The following RMND1 variants were observed in gnomAD, a reference collection of about 807,000 sequenced individuals.
The protein encoded by RMND1 is required for meiotic nuclear division protein 1 homolog.
Under a neutral mutation model 54.0 loss-of-function variants are expected in RMND1, and 41 were observed. The ratio of observed to expected loss-of-function variants is 0.76; its 90% CI spans 0.59 to 0.98. The LOEUF (loss-of-function observed/expected upper bound fraction) is 0.98, where lower values mean the gene tolerates loss of function less well. RMND1 is among the 50% of genes least tolerant of loss of function. The probability of loss-of-function intolerance (pLI) is 0.00; values close to 1 mark genes in which losing one functional copy is unlikely to be tolerated. For missense variants in RMND1, 457 were observed against 532.0 expected (o/e 0.86, Z 1.39); for synonymous variants, 183 against 181.7 (o/e 1.01, Z -0.06).
intron 1 of RMND1, among the ~76,000 whole-genome samples, chr6:151,446,747 A>C (rs539330512): frequency 6.6e-6 from 1 of 152,234 alleles, no homozygotes; most frequent in African/African-American, 2.4e-5. Context: ...TCTACTAAAA[A>C]TACAAAAAAA....
intron 10 of RMND1, among the ~76,000 whole-genome samples, chr6:151,406,559 C>T (rs1433703883): frequency 1.3e-5 from 2 of 152,042 alleles, no homozygotes; most frequent in Admixed American, 6.6e-5. Context: ...ATGATGTTAG[C>T]CAGGATGGTC....
intron 7 of RMND1, among the ~76,000 whole-genome samples, chr6:151,423,041 A>T (rs1384309969): frequency 6.6e-6 from 1 of 152,236 alleles, no homozygotes. Context: ...CACCTAAGGT[A>T]GACTGCTGGC....
At chr6:151,412,316 A>G (rs1212920640) in intron 10 of RMND1, among the ~76,000 whole-genome samples, 1 of 140,152 alleles carries the variant, frequency 7.1e-6, no homozygotes, top group East Asian at 2.1e-4. Flanking sequence ...CTTGCTTTTT[A>G]ATTTTTTTTT....
At position 151,405,069 on chromosome 6, in the gene RMND1, A is replaced by G. The variant is rs1779562360; in HGVS notation, c.*166T>C. On this transcript the variant is annotated 3_prime_UTR_variant, in exon 12 of 12. Transcript: ENST00000444024. ...TTTTTAGTAGAGATGGGGTTTCACC[A>G]TGTTGGCCAGGCTTGTCTTGAGCTC... The G allele has an allele frequency of 3.5e-6, 2 of 572,308 alleles. No individual in the cohort carries two copies. The highest frequency in any genetic ancestry group is 7.0e-5 in the Admixed American group (2 of 28,590). The allele number at this position is 572,308 out of a possible 1,614,324, so 35.5% of individuals were successfully genotyped here. A position where few individuals can be genotyped will look rare whatever the true frequency, so the allele number is the denominator to read the frequency against.
chr6:151,435,302 T>C (rs1371858816), intron 3 of RMND1, among the ~76,000 whole-genome samples: 2 of 151,040 alleles, frequency 1.3e-5, no homozygotes, highest in East Asian at 2.0e-4. Flanking sequence ...CGTGCCACCA[T>C]ACCTGGCTAA....
At chr6:151,429,929 T>C (rs1261368748) in intron 5 of RMND1, among the ~76,000 whole-genome samples, 1 of 152,148 alleles carries the variant, frequency 6.6e-6, no homozygotes, top group South Asian at 2.1e-4. Context: ...CACAAATTAG[T>C]GTGTGTCTAG....
At chr6:151,417,153 A>C in intron 10 of RMND1, 126 bp downstream of exon 10, 1 of 1,075,470 alleles carries the variant, frequency 9.3e-7, no homozygotes, top group East Asian at 2.5e-5. Context: ...ACAGAGGACA[A>C]GAAGGGGAAA....
intron 7 of RMND1, 77 bp from the exon 8 acceptor site, chr6:151,422,682 T>C: frequency 1.7e-6 from 1 of 586,220 alleles, no homozygotes; most frequent in Non-Finnish European, 3.0e-6. Flanking sequence ...TTGCACAGCA[T>C]CTTCACTACT....
At chr6:151,435,030 G>A (rs141988230) in intron 3 of RMND1, among the ~76,000 whole-genome samples, 2,017 of 152,140 alleles carry the variant, frequency 0.013, 41 homozygotes, top group African/African-American at 0.046. Context: ...TGTATTTTTA[G>A]TAAAGGTGGG....
intron 9 of RMND1, among the ~76,000 whole-genome samples, chr6:151,418,789 A>C (rs1226432235): frequency 6.6e-6 from 1 of 151,872 alleles, no homozygotes; most frequent in Non-Finnish European, 1.5e-5. Context: ...TTTTTTTCTG[A>C]GACAGAGTTT....
Position 151,430,156 on chromosome 6 carries a change from C to T in RMND1, c.711G>A (p.Trp237Ter), listed in dbSNP as rs1562793396. Reference sequence around the variant, plus strand: ...CACTTACAGTTTTGTCTTTCACATTCCAAAACACAGCAGCTCCTTCCCTGA... The same window carrying T: ...CACTTACAGTTTTGTCTTTCACATTTCAAAACACAGCAGCTCCTTCCCTGA... Reference protein sequence around the residue: ...FFFREGAAVFWNVKDKTMKHV... With the variant: ...FFFREGAAVF Residue 237 changes from tryptophan to a stop codon, truncating the protein, a stop_gained, in exon 5 of 12, where the codon TGG becomes TGA. Coordinates refer to ENST00000444024, the MANE Select transcript of RMND1 (RefSeq NM_017909.4). LOFTEE classifies it high-confidence loss of function. 6.2e-7 allele frequency: 1 copy of T among 1,601,666 alleles called. No individual in the cohort carries two copies. The highest frequency in any genetic ancestry group is 8.5e-7 in the Non-Finnish European group (1 of 1,170,676).
intron 10 of RMND1, chr6:151,413,752 T>A (rs1210694846): frequency 6.6e-6 from 1 of 152,236 alleles, no homozygotes; most frequent in Non-Finnish European, 1.5e-5. Flanking sequence ...CGGTGTCTAA[T>A]TACACCTCTG....
intron 9 of RMND1, chr6:151,420,595 A>G (rs954696660): frequency 6.6e-6 from 1 of 152,218 alleles, no homozygotes; most frequent in African/African-American, 2.4e-5. Flanking sequence ...TTTTAGACAT[A>G]GTTATTCCCA....
chr6:151,432,145 G>C (rs530166633), intron 4 of RMND1, among the ~76,000 whole-genome samples: 1 of 152,138 alleles, frequency 6.6e-6, no homozygotes, highest in African/African-American at 2.4e-5. Context: ...CACCATGTTG[G>C]CCAGGCTGGT....
intron 6 of RMND1, 30 bp downstream of exon 6, chr6:151,427,452 C>T: frequency 7.5e-7 from 1 of 1,329,138 alleles, no homozygotes; most frequent in South Asian, 1.2e-5. Flanking sequence ...CCAAGTGCCC[C>T]TTTCATAAAT....
chr6:151,424,946 G>C (rs1378103350), intron 6 of RMND1, among the ~76,000 whole-genome samples: 4 of 152,096 alleles, frequency 2.6e-5, no homozygotes, highest in Non-Finnish European at 5.9e-5. Flanking sequence ...GCAGTCACAA[G>C]AGGTCTTTTT....
At chr6:151,442,693 CTT>C (rs71790787) in intron 2 of RMND1, among the ~76,000 whole-genome samples, 274 of 130,434 alleles carry the variant, frequency 2.1e-3, no homozygotes, top group Middle Eastern at 0.012. Flanking sequence ...GCAAGCCCGG[CTT>C]TTTTTTTTTT....
At chr6:151,446,443 G>A (rs1780956004) in intron 1 of RMND1, among the ~76,000 whole-genome samples, 1 of 151,402 alleles carries the variant, frequency 6.6e-6, no homozygotes, top group African/African-American at 2.4e-5. Flanking sequence ...AAAAAATCAG[G>A]AAAGGTTCCC....
chr6:151,408,418 G>T (rs1040644113), intron 10 of RMND1, among the ~76,000 whole-genome samples: 2 of 152,096 alleles, frequency 1.3e-5, no homozygotes, highest in African/African-American at 4.8e-5. Context: ...CTTGAACCCA[G>T]GAGTCGGTGG....
Sources: allele counts gnomAD v4.1 joint callset (sites outside exome capture counted in the v4.1 genomes callset), GRCh38; gene constraint gnomAD v4.1.1; transcripts MANE v1.5; gene names NCBI Gene and HGNC (gene_info 2026-07-23, HGNC 2026-07-21).